LIMCH1: variants seen among roughly 807,000 people sequenced by gnomAD.
LIMCH1 encodes LIM and calponin homology domains-containing protein 1.
LIMCH1 carries 113 observed loss-of-function variants against 176.5 expected under a neutral mutation model. That is an observed-to-expected ratio of 0.64 (90% CI 0.55 to 0.75). The LOEUF is 0.75. LIMCH1 is among the 30% of genes least tolerant of loss of function. LIMCH1 has a pLI of 0.00. For missense variants in LIMCH1, 1,674 were observed against 1,814.9 expected, an observed-to-expected ratio of 0.92 and a Z score of 1.41; for synonymous variants, 619 against 645.9, an observed-to-expected ratio of 0.96 and a Z score of 0.63.
intron 1 of LIMCH1, among the ~76,000 whole-genome samples, chr4:41,428,476 T>G (rs540648888): frequency 1.8e-4 from 28 of 152,312 alleles, no homozygotes; most frequent in Admixed American, 9.1e-4. Context: ...AGGGGGCAAT[T>G]TCAAATGAGA....
rs1441173381 is a variant in LIMCH1, at chr4:41,633,541, G to T, written c.1830-7G>T. On this transcript the variant is annotated splice_polypyrimidine_tract_variant and splice_region_variant and intron_variant, in intron 12 of 31. Transcript: ENST00000503057. The stretch of plus-strand genomic sequence containing the variant: ...CCTTTGACTGGCTGGACTGAATGTT[G>T]CCCTAGGGTGTGTCCTCTGGCCTCT... The T allele has an allele frequency of 6.5e-7, 1 of 1,535,540 alleles. No individual in the cohort carries two copies. The highest frequency in any genetic ancestry group is 1.4e-5 in the African/African-American group (1 of 73,032).
At position 41,610,354 on chromosome 4, in the gene LIMCH1, G is replaced by A. The variant is rs139075318; in HGVS notation, c.10-3112G>A. ...CATTTCCAGATGTGACCAGCGGTCC[G>A]CCTCCCTGAGTGTCTGCCTTCCCTG... On this transcript the variant is annotated intron_variant, in intron 4 of 31. Transcript: ENST00000503057. 5.9e-3 allele frequency among the ~76,000 whole-genome samples: 898 copies of A among 152,248 alleles called. 3 individuals are homozygous for A. Among genetic ancestry groups the A allele is most frequent in the Non-Finnish European group, 8.4e-3 (573 of 68,014 alleles).
chr4:41,443,341 A>G (rs2062919491), intron 1 of LIMCH1, among the ~76,000 whole-genome samples: 2 of 152,036 alleles, frequency 1.3e-5, no homozygotes, highest in Non-Finnish European at 2.9e-5. Context: ...GTGAATTCAG[A>G]CCACCTGTGA....
At chr4:41,464,654 G>A (rs1053641379) in intron 1 of LIMCH1, among the ~76,000 whole-genome samples, 40 of 152,066 alleles carry the variant, frequency 2.6e-4, no homozygotes, top group African/African-American at 8.2e-4. Flanking sequence ...GGTTACAGGC[G>A]TGAACTACCA....
intron 2 of LIMCH1, among the ~76,000 whole-genome samples, chr4:41,505,875 T>C (rs2074085152): frequency 1.3e-5 from 2 of 150,712 alleles, no homozygotes; most frequent in Admixed American, 1.3e-4. Flanking sequence ...ATGACTGCCT[T>C]TAACTTTCTC....
chr4:41,611,527 A>C (rs1025756554), intron 4 of LIMCH1, among the ~76,000 whole-genome samples: 1 of 152,242 alleles, frequency 6.6e-6, no homozygotes, highest in East Asian at 1.9e-4. Context: ...AAGATGATCA[A>C]ATATTTTCAG....
At chr4:41,686,446 A>C (rs1720847643) in intron 28 of LIMCH1, among the ~76,000 whole-genome samples, 1 of 152,206 alleles carries the variant, frequency 6.6e-6, no homozygotes, top group Non-Finnish European at 1.5e-5. Flanking sequence ...CAAATTATTT[A>C]ACTGATTAAG....
intron 1 of LIMCH1, among the ~76,000 whole-genome samples, chr4:41,368,413 C>T (rs1423394378): frequency 6.6e-6 from 1 of 151,966 alleles, no homozygotes; most frequent in African/African-American, 2.4e-5. Context: ...GGCAGGGGGA[C>T]AGAGAGATTA....
At chr4:41,523,569 C>A (rs551977598) in intron 2 of LIMCH1, among the ~76,000 whole-genome samples, 1 of 152,314 alleles carries the variant, frequency 6.6e-6, no homozygotes, top group South Asian at 2.1e-4. Flanking sequence ...ATTCTACATT[C>A]TACAGCCCCT....
intron 1 of LIMCH1, among the ~76,000 whole-genome samples, chr4:41,407,199 A>G (rs1288919446): frequency 6.6e-6 from 1 of 152,078 alleles, no homozygotes; most frequent in Non-Finnish European, 1.5e-5. Flanking sequence ...AAATCCTTTG[A>G]AAGTCTGTAA....
At chr4:41,474,407 A>T (rs1338881917) in intron 1 of LIMCH1, among the ~76,000 whole-genome samples, 1 of 151,896 alleles carries the variant, frequency 6.6e-6, no homozygotes, top group Non-Finnish European at 1.5e-5. Context: ...GAATCGCTTG[A>T]ACCCAGGAGG....
rs1419021969 is a variant in LIMCH1 at position 41,687,029 on chromosome 4, C to G, written c.4089-811C>G. On this transcript the variant is annotated intron_variant, in intron 28 of 31. Coordinates refer to ENST00000503057, the MANE Select transcript of LIMCH1 (RefSeq NM_001330672.2). ...GATATTTGGAGAAGACAAGCATTCC[C>G]TGGCGAGGGAGGTTTGGGTGGGAAG... 2.0e-5 allele frequency among the ~76,000 whole-genome samples: 3 copies of G among 152,196 alleles called. No individual in the cohort carries two copies. In the East Asian group the frequency reaches 5.8e-4, roughly 29 times the overall value.
At position 41,613,529 on chromosome 4, in the gene LIMCH1, G is replaced by T; in HGVS notation, c.73G>T (p.Asp25Tyr). Residue 25 changes from aspartate to tyrosine, a missense_variant, in exon 5 of 32, where the codon GAT becomes TAT. Transcript: ENST00000503057. ...IRDSGYIDCW[D>Y]SERSDSLSPP... ...AGACAGTGGCTACATCGACTGCTGG[G>T]ATTCCGAGCGCAGCGACTCCCTCTC... 6.2e-7 allele frequency: 1 copy of T among 1,614,100 alleles called. No individual in the cohort carries two copies. The highest frequency in any genetic ancestry group is 8.5e-7 in the Non-Finnish European group (1 of 1,180,012).
In LIMCH1 at chr4:41,607,978, C is replaced by T. The variant is rs79350551; in HGVS notation, c.9+1974C>T. On this transcript the variant is annotated intron_variant, in intron 4 of 31. Coordinates refer to ENST00000503057, the MANE Select transcript of LIMCH1 (RefSeq NM_001330672.2). ...ATAATCTCATTTTGTCAGTTAGGAT[C>T]GGGTTCAGCTGGGAAACACAAAAGC... is the stretch of plus-strand genomic sequence containing the variant. Among the ~76,000 whole-genome samples the T allele has an allele frequency of 6.9e-3, 1,052 of 152,228 alleles. 9 individuals are homozygous for T. The highest frequency in any genetic ancestry group is 0.013 in the Non-Finnish European group (861 of 68,020).
rs116352932 is a variant in LIMCH1 at position 41,658,689 on chromosome 4, G to A, written c.3037-2731G>A. On this transcript the variant is annotated intron_variant, in intron 18 of 31. Coordinates refer to ENST00000503057, the MANE Select transcript of LIMCH1 (RefSeq NM_001330672.2). ...AAGTGCATCATATTTAACAGATGGC[G>A]TGTTTTCTTTCTTAGTAGTACCTAA... Among the ~76,000 whole-genome samples the A allele has an allele frequency of 9.0e-3, 1,363 of 152,272 alleles. 19 individuals are homozygous for A. Among genetic ancestry groups the A allele is most frequent in the Middle Eastern group, 0.027 (8 of 294 alleles).
chr4:41,469,665 G>GATTGATTT (rs1554061021), intron 1 of LIMCH1, among the ~76,000 whole-genome samples: 3 of 148,248 alleles, frequency 2.0e-5, no homozygotes, highest in African/African-American at 5.1e-5. Flanking sequence ...CTTGTTTTGA[G>GATTGATTT]ATTTATTTAT....
rs1037722182 is a variant in LIMCH1, at chr4:41,685,210, G to A, written c.3968-500G>A. Reference sequence around the variant, plus strand: ...AACGAATTTTGCCTTAAATTTTTTAGCTTGTTGTCTATACACATATTTACC... The same window carrying A: ...AACGAATTTTGCCTTAAATTTTTTAACTTGTTGTCTATACACATATTTACC... On this transcript the variant is annotated intron_variant, in intron 27 of 31. Coordinates refer to ENST00000503057, the MANE Select transcript of LIMCH1 (RefSeq NM_001330672.2). 8.4e-4 allele frequency among the ~76,000 whole-genome samples: 127 copies of A among 152,086 alleles called. 1 individual carries two copies. Among genetic ancestry groups the A allele is most frequent in the Non-Finnish European group, 3.4e-4 (23 of 68,002 alleles).
At chr4:41,504,621 G>A (rs753707456) in intron 2 of LIMCH1, among the ~76,000 whole-genome samples, 20 of 152,282 alleles carry the variant, frequency 1.3e-4, no homozygotes, top group African/African-American at 3.6e-4. Context: ...TGTAGCTTGC[G>A]CATAGAGAAA....
chr4:41,532,487 G>A (rs537031541), intron 3 of LIMCH1, among the ~76,000 whole-genome samples: 1 of 152,234 alleles, frequency 6.6e-6, no homozygotes, highest in Non-Finnish European at 1.5e-5. Flanking sequence ...CTCTCACTTT[G>A]TACATCACAC....
Sources: allele counts gnomAD v4.1 joint callset (sites outside exome capture counted in the v4.1 genomes callset), GRCh38; gene constraint gnomAD v4.1.1; transcripts MANE v1.5; gene names NCBI Gene and HGNC (gene_info 2026-07-23, HGNC 2026-07-21).